Variants in PAPSS1 observed in about 807,000 individuals in gnomAD.
PAPSS1 encodes 3'-phosphoadenosine 5'-phosphosulfate synthase 1.
Under a neutral mutation model 72.0 loss-of-function variants are expected in PAPSS1, and 50 were observed. The ratio of observed to expected loss-of-function variants is 0.69; its 90% CI spans 0.55 to 0.88. The LOEUF (loss-of-function observed/expected upper bound fraction) is 0.88, where lower values mean the gene tolerates loss of function less well. PAPSS1 is among the 40% of genes least tolerant of loss of function. The pLI, the probability that PAPSS1 is intolerant of heterozygous loss-of-function variation, is 0.00. For synonymous variants in PAPSS1, 261 were observed against 263.6 expected (o/e 0.99, Z 0.09); for missense variants, 657 against 782.2 (o/e 0.84, Z 1.91).
At chr4:107,632,495 T>A (rs879160463) in intron 10 of PAPSS1, among the ~76,000 whole-genome samples, 1 of 149,852 alleles carries the variant, frequency 6.7e-6, no homozygotes, top group Non-Finnish European at 1.5e-5. Context: ...TCTTATAACA[T>A]ATGCCTAATA....
intron 5 of PAPSS1, among the ~76,000 whole-genome samples, chr4:107,671,562 T>G (rs898408986): frequency 6.6e-6 from 1 of 152,100 alleles, no homozygotes; most frequent in African/African-American, 2.4e-5. Flanking sequence ...TTTTCTGAGA[T>G]CTTATAAAAC....
At chr4:107,676,633 C>T (rs1278784696) in intron 5 of PAPSS1, among the ~76,000 whole-genome samples, 2 of 152,142 alleles carry the variant, frequency 1.3e-5, no homozygotes, top group East Asian at 1.9e-4. Context: ...AGATTCAATG[C>T]CATCCCCATC....
At chr4:107,696,570 G>A (rs1427524925) in intron 2 of PAPSS1, among the ~76,000 whole-genome samples, 1 of 152,002 alleles carries the variant, frequency 6.6e-6, no homozygotes, top group Non-Finnish European at 1.5e-5. Context: ...CGGTGGGGAG[G>A]TGGAGGCCTC....
intron 11 of PAPSS1, among the ~76,000 whole-genome samples, chr4:107,626,177 CAA>C (rs11395725): frequency 1.6e-4 from 16 of 97,592 alleles, no homozygotes; most frequent in African/African-American, 1.4e-4. Context: ...GACTCTGTCT[CAA>C]AAAAAAAAAA....
chr4:107,688,278 T>C (rs1337589759), intron 3 of PAPSS1, among the ~76,000 whole-genome samples: 6 of 152,114 alleles, frequency 3.9e-5, no homozygotes, highest in Non-Finnish European at 7.4e-5. Context: ...AGTTCACCCA[T>C]TTAAAACAAA....
At chr4:107,715,783 T>C (rs897320078) in intron 1 of PAPSS1, among the ~76,000 whole-genome samples, 2 of 152,216 alleles carry the variant, frequency 1.3e-5, no homozygotes, top group African/African-American at 4.8e-5. Flanking sequence ...AATAAATAAT[T>C]AGAACAAGAA....
chr4:107,618,414 G>A (rs1252496468), intron 11 of PAPSS1, among the ~76,000 whole-genome samples: 2 of 150,972 alleles, frequency 1.3e-5, no homozygotes, highest in African/African-American at 4.9e-5. Flanking sequence ...GGCTTACCAA[G>A]TTATATAGGC....
chr4:107,689,444 C>A (rs1722863465), intron 3 of PAPSS1, among the ~76,000 whole-genome samples: 1 of 152,184 alleles, frequency 6.6e-6, no homozygotes, highest in Non-Finnish European at 1.5e-5. Flanking sequence ...CTCCAGGAAG[C>A]CTTCCCTGCA....
chr4:107,621,273 CAAAG>C (rs1475409481), intron 11 of PAPSS1, among the ~76,000 whole-genome samples: 1 of 152,002 alleles, frequency 6.6e-6, no homozygotes, highest in Admixed American at 6.6e-5. Context: ...AAAATGATAA[CAAAG>C]AACTTCTAGT....
intron 4 of PAPSS1, among the ~76,000 whole-genome samples, chr4:107,684,277 C>T (rs1722714248): frequency 6.6e-6 from 1 of 152,142 alleles, no homozygotes; most frequent in East Asian, 1.9e-4. Context: ...CCCTACAAAC[C>T]ACAAATTTTC....
chr4:107,643,652 GATGACTCCTAGGGGGAGGACA>G (rs1726616528), intron 10 of PAPSS1, among the ~76,000 whole-genome samples: 1 of 152,116 alleles, frequency 6.6e-6, no homozygotes, highest in African/African-American at 2.4e-5. Context: ...TGAGGGTACC[GATGACTCCTAGGGGGAGGACA>G]AGTAGTGAAT....
intron 5 of PAPSS1, among the ~76,000 whole-genome samples, chr4:107,680,522 C>T (rs1412005167): frequency 6.6e-6 from 1 of 152,122 alleles, no homozygotes; most frequent in Non-Finnish European, 1.5e-5. Flanking sequence ...CCCAGTATGC[C>T]ACAGACATAA....
chr4:107,697,740 A>C (rs1344506092), intron 2 of PAPSS1, among the ~76,000 whole-genome samples: 1 of 152,212 alleles, frequency 6.6e-6, no homozygotes, highest in Non-Finnish European at 1.5e-5. Flanking sequence ...GAAGAATAGA[A>C]ACCAGCTCTA....
intron 1 of PAPSS1, among the ~76,000 whole-genome samples, chr4:107,711,031 T>G (rs1257974784): frequency 6.6e-6 from 1 of 152,222 alleles, no homozygotes; most frequent in Admixed American, 6.5e-5. Flanking sequence ...GCCATGTTCT[T>G]TACAATGAGT....
intron 2 of PAPSS1, among the ~76,000 whole-genome samples, chr4:107,698,591 T>A (rs1723130693): frequency 6.6e-6 from 1 of 152,114 alleles, no homozygotes; most frequent in Non-Finnish European, 1.5e-5. Context: ...AGGGAGTAAC[T>A]ATTGACTGCA....
intron 5 of PAPSS1, among the ~76,000 whole-genome samples, chr4:107,660,887 A>T (rs1040196955): frequency 6.6e-6 from 1 of 152,220 alleles, no homozygotes; most frequent in African/African-American, 2.4e-5. Context: ...TTTGTTATTC[A>T]AAATAAAGTA....
intron 9 of PAPSS1, among the ~76,000 whole-genome samples, chr4:107,651,660 C>A (rs112325281): frequency 0.035 from 5,332 of 152,202 alleles, 286 homozygotes; most frequent in African/African-American, 0.12. Context: ...TGAGAACTTA[C>A]TGTCACGAGA....
intron 1 of PAPSS1, among the ~76,000 whole-genome samples, chr4:107,718,994 C>G (rs983390074): frequency 6.6e-6 from 1 of 152,188 alleles, no homozygotes; most frequent in Admixed American, 6.5e-5. Context: ...AATGGCAAAG[C>G]TGGGATGAGA....
intron 1 of PAPSS1, 120 bp downstream of exon 1, chr4:107,720,000 C>T: frequency 1.3e-6 from 2 of 1,499,480 alleles, no homozygotes. Flanking sequence ...GCCCCGGAAC[C>T]CACCTCCGCG....
Sources: gnomAD v4.1 joint callset for allele counts (sites outside exome capture counted in the v4.1 genomes callset) on GRCh38, gnomAD v4.1.1 for gene constraint, MANE v1.5 for transcripts, NCBI Gene and HGNC (gene_info 2026-07-23, HGNC 2026-07-21) for gene names.